Variants in LTBP1 observed in about 807,000 individuals in gnomAD.
LTBP1 encodes latent-transforming growth factor beta-binding protein 1.
LTBP1 carries 129 observed loss-of-function variants against 207.6 expected under a neutral mutation model. The ratio of observed to expected loss-of-function variants is 0.62; its 90% CI spans 0.54 to 0.72. The LOEUF is 0.72. Among genes scored for constraint, LTBP1 ranks in the 30% least tolerant of loss-of-function variants. The pLI is 0.00. For missense variants in LTBP1, 2,281 were observed against 2,217.2 expected, an observed-to-expected ratio of 1.03 and a Z score of -0.58; for synonymous variants, 963 against 833.7, an observed-to-expected ratio of 1.16 and a Z score of -2.67.
At chr2:33,064,390 T>G (rs1446044766) in intron 3 of LTBP1, among the ~76,000 whole-genome samples, 3 of 152,190 alleles carry the variant, frequency 2.0e-5, no homozygotes, top group African/African-American at 7.2e-5. Context: ...TCATGGATGC[T>G]GACAGAAGAC....
At chr2:33,324,067 A>G (rs1339584674) in intron 24 of LTBP1, among the ~76,000 whole-genome samples, 1 of 152,160 alleles carries the variant, frequency 6.6e-6, no homozygotes, top group Non-Finnish European at 1.5e-5. Context: ...GGAGTAGCCC[A>G]TAGAACATAC....
At chr2:33,087,417 A>G (rs1222578997) in intron 3 of LTBP1, among the ~76,000 whole-genome samples, 1 of 152,148 alleles carries the variant, frequency 6.6e-6, no homozygotes. Flanking sequence ...CAGCATTTTC[A>G]AAGTCCTCTC....
chr2:33,268,376 A>G (rs1037069988), intron 15 of LTBP1, among the ~76,000 whole-genome samples: 16 of 152,218 alleles, frequency 1.1e-4, no homozygotes, highest in Non-Finnish European at 1.9e-4. Flanking sequence ...GGATAGAACA[A>G]TACGTAAGAG....
rs1172288687 is a variant in LTBP1 at position 33,342,965 on chromosome 2, T to A, written c.3856+2T>A. ...CACAGGATGGGCAAGGGTGTGTGGGTGAGTTTTTAGATTTTTTCCCAACGT... is the reference window on the plus strand; with the variant it reads ...CACAGGATGGGCAAGGGTGTGTGGGAGAGTTTTTAGATTTTTTCCCAACGT... On this transcript the variant is annotated splice_donor_variant, in intron 25 of 33. Transcript: ENST00000404816. LOFTEE classifies it high-confidence loss of function. The A allele has an allele frequency of 6.2e-7, 1 of 1,607,416 alleles. No individual in the cohort carries two copies. The highest frequency in any genetic ancestry group is 8.5e-7 in the Non-Finnish European group (1 of 1,176,828).
intron 24 of LTBP1, among the ~76,000 whole-genome samples, chr2:33,322,929 C>G (rs2094377012): frequency 6.6e-6 from 1 of 152,094 alleles, no homozygotes; most frequent in African/African-American, 2.4e-5. Flanking sequence ...TATTCTACTT[C>G]TTTACCTTGT....
Position 33,243,731 on chromosome 2 carries a change from G to A in LTBP1, c.1946G>A (p.Arg649Gln), listed in dbSNP as rs760416053. Residue 649 changes from arginine to glutamine, a missense_variant, in exon 10 of 34, where the codon CGA becomes CAA. This residue lies in a region of LTBP1 where 1,671 missense variants were observed against 1,634.8 expected (regional missense o/e 1.02). Transcript: ENST00000404816. ...GECLNTMGSYRCTCKIGFGPD... is the reference protein window; with the variant it reads ...GECLNTMGSYQCTCKIGFGPD... ...TGTTTGAATACCATGGGCAGCTATC[G>A]ATGTACCTGCAAAATAGGATTTGGG... The A allele has an allele frequency of 2.0e-5, 32 of 1,613,360 alleles. No homozygotes were observed. In the South Asian group the frequency reaches 2.7e-4, roughly 14 times the overall value.
chr2:33,226,949 A>AT (rs1322307360), intron 9 of LTBP1, among the ~76,000 whole-genome samples: 2 of 151,792 alleles, frequency 1.3e-5, no homozygotes, highest in Admixed American at 6.6e-5. Context: ...CTGATCAGGA[A>AT]TTTTTTTGTT....
Position 33,020,903 on chromosome 2 carries a change from C to T in LTBP1, c.566-6C>T, listed in dbSNP as rs1278315049. On this transcript the variant is annotated splice_region_variant and splice_polypyrimidine_tract_variant and intron_variant, in intron 2 of 33. Transcript: ENST00000404816. Reference sequence around the variant, plus strand: ...CAAAGCTGTGCCTTCTGTTTTCTTTCTGCAGCTAGCTGTGTTCCGCCATGT... The same window carrying T: ...CAAAGCTGTGCCTTCTGTTTTCTTTTTGCAGCTAGCTGTGTTCCGCCATGT... The T allele has an allele frequency of 1.9e-6, 3 of 1,562,134 alleles. No homozygotes were observed. The highest frequency in any genetic ancestry group is 2.6e-6 in the Non-Finnish European group (3 of 1,148,964).
intron 5 of LTBP1, among the ~76,000 whole-genome samples, chr2:33,138,974 T>A (rs2082396769): frequency 6.9e-6 from 1 of 144,856 alleles, no homozygotes; most frequent in Non-Finnish European, 1.5e-5. Flanking sequence ...TTCTCCTGCC[T>A]CAGCCTCCCG....
At chr2:32,958,488 G>A (rs1678461267) in intron 2 of LTBP1, among the ~76,000 whole-genome samples, 1 of 152,118 alleles carries the variant, frequency 6.6e-6, no homozygotes, top group Non-Finnish European at 1.5e-5. Flanking sequence ...ACTCTTAGTT[G>A]GCTCTGGGTA....
At chr2:32,989,638 T>G (rs1170104032) in intron 2 of LTBP1, among the ~76,000 whole-genome samples, 13 of 152,196 alleles carry the variant, frequency 8.5e-5, no homozygotes, top group Admixed American at 8.5e-4. Flanking sequence ...AGTCCCTTTC[T>G]CCTTTCAGTG....
chr2:33,005,571 G>T (rs1167412871), intron 2 of LTBP1, among the ~76,000 whole-genome samples: 4 of 150,506 alleles, frequency 2.7e-5, no homozygotes, highest in Admixed American at 6.6e-5. Context: ...TCAGATTCAA[G>T]AGAGAGGGAA....
intron 5 of LTBP1, among the ~76,000 whole-genome samples, chr2:33,174,562 G>A (rs1379739501): frequency 2.0e-5 from 3 of 151,880 alleles, no homozygotes; most frequent in Admixed American, 6.6e-5. Flanking sequence ...AATCAATATC[G>A]TGAAAATGGC....
At chr2:33,186,362 TG>T (rs1407972705) in intron 5 of LTBP1, among the ~76,000 whole-genome samples, 2 of 152,044 alleles carry the variant, frequency 1.3e-5, no homozygotes, top group African/African-American at 4.8e-5. Flanking sequence ...GAGAATGAGG[TG>T]AGCAAATACT....
chr2:33,342,917 C>G lies in LTBP1; in HGVS notation c.3810C>G (p.Leu1270=). ...ATACAGCTGGCTCCTTCCGCTGCCTCTGTTATCAGGGCTTTCAAGCCCCAC... is the reference window on the plus strand; with the variant it reads ...ATACAGCTGGCTCCTTCCGCTGCCTGTGTTATCAGGGCTTTCAAGCCCCAC... ...CDNTAGSFRC[L]CYQGFQAPQD... Residue 1270 remains leucine, a synonymous_variant, in exon 25 of 34, where the codon CTC becomes CTG. Coordinates refer to ENST00000404816, the MANE Select transcript of LTBP1 (RefSeq NM_206943.4). 6.2e-7 allele frequency: 1 copy of G among 1,614,102 alleles called. No individual in the cohort carries two copies. Among genetic ancestry groups the G allele is most frequent in the Non-Finnish European group, 8.5e-7 (1 of 1,179,962 alleles).
intron 3 of LTBP1, among the ~76,000 whole-genome samples, chr2:33,041,225 A>G (rs1477765103): frequency 6.6e-6 from 1 of 151,366 alleles, no homozygotes; most frequent in African/African-American, 2.4e-5. Flanking sequence ...TTATTTGTTT[A>G]TTTATTTTTT....
intron 5 of LTBP1, among the ~76,000 whole-genome samples, chr2:33,137,532 G>A (rs1457433665): frequency 6.6e-6 from 1 of 152,192 alleles, no homozygotes; most frequent in Non-Finnish European, 1.5e-5. Flanking sequence ...AACAAGAATA[G>A]GTGTGGCTGT....
At chr2:33,112,105 T>A (rs1008557597) in intron 4 of LTBP1, among the ~76,000 whole-genome samples, 1 of 151,978 alleles carries the variant, frequency 6.6e-6, no homozygotes, top group Non-Finnish European at 1.5e-5. Flanking sequence ...CAAATCAGAG[T>A]GTGATGGGAA....
intron 19 of LTBP1, among the ~76,000 whole-genome samples, chr2:33,283,061 C>CAAAAAAAA (rs201168175): frequency 4.0e-5 from 2 of 49,460 alleles, no homozygotes; most frequent in Admixed American, 2.0e-4. Flanking sequence ...GACTCCATCT[C>CAAAAAAAA]AAAAAAAAAA....
Sources: gnomAD v4.1 joint callset for allele counts (sites outside exome capture counted in the v4.1 genomes callset) on GRCh38, gnomAD v4.1.1 for gene constraint, gnomAD v4.1.1 regional missense constraint, MANE v1.5 for transcripts, NCBI Gene and HGNC (gene_info 2026-07-23, HGNC 2026-07-21) for gene names.